Variants in SNX13 observed in about 807,000 individuals in gnomAD.
SNX13 encodes the protein sorting nexin-13.
In SNX13, 45 loss-of-function variants were observed where a neutral mutation model predicts 133.6. The observed-to-expected ratio is 0.34, with a 90% CI of 0.27 to 0.43. The LOEUF (loss-of-function observed/expected upper bound fraction) is 0.43, where lower values mean the gene tolerates loss of function less well. SNX13 is among the 20% of genes least tolerant of loss of function. SNX13 has a pLI of 1.00. For synonymous variants in SNX13, 414 were observed against 373.9 expected (o/e 1.11, Z -1.24); for missense variants, 1,032 against 1,145.1 (o/e 0.90, Z 1.43).
chr7:17,876,916 AAG>A (rs140011221), intron 5 of SNX13, among the ~76,000 whole-genome samples: 3,833 of 152,092 alleles, frequency 0.025, 171 homozygotes, highest in African/African-American at 0.088. Flanking sequence ...ATAGAAAACG[AAG>A]AGTCTATTCA....
intron 9 of SNX13, chr7:17,868,192 G>A (rs754526166): frequency 1.9e-4 from 93 of 477,916 alleles, no homozygotes; most frequent in Middle Eastern, 5.5e-4. Flanking sequence ...CACCATAACC[G>A]CAAGGAAGAT....
chr7:17,799,066 T>C lies in SNX13; in HGVS notation c.2387A>G (p.Asn796Ser). The C allele has an allele frequency of 1.2e-6, 2 of 1,611,098 alleles. No individual in the cohort carries two copies. The highest frequency in any genetic ancestry group is 2.2e-5 in the East Asian group (1 of 44,768). ...AAGCTGTTGAAGTAGGTTTTTGATA[T>C]TCCTTCGCAACCACTGATTTCTTTC... ...LKERNQWLRRNIKNLLQQLIR... is the reference protein window; with the variant it reads ...LKERNQWLRRSIKNLLQQLIR... The change falls in exon 23 of 26, where the codon AAT becomes AGT. Residue 796 changes from asparagine to serine, a missense_variant. Asn to Ser is a conservative substitution (Grantham distance 46, BLOSUM62 1). Transcript: ENST00000428135.
intron 20 of SNX13, among the ~76,000 whole-genome samples, chr7:17,807,303 C>A (rs1308526620): frequency 1.3e-5 from 2 of 152,050 alleles, no homozygotes; most frequent in African/African-American, 2.4e-5. Context: ...GGGGGAGGGG[C>A]CCCCACTAAG....
intron 1 of SNX13, among the ~76,000 whole-genome samples, chr7:17,940,012 G>A (rs1802623682): frequency 1.3e-5 from 2 of 152,238 alleles, no homozygotes; most frequent in Admixed American, 1.3e-4. Context: ...TGAGTTAGAA[G>A]GGAGTGACAG....
intron 1 of SNX13, among the ~76,000 whole-genome samples, chr7:17,927,980 C>T (rs1800948520): frequency 6.6e-6 from 1 of 152,134 alleles, no homozygotes; most frequent in Non-Finnish European, 1.5e-5. Flanking sequence ...AATGTCCCCC[C>T]ATCCATCTCT....
intron 11 of SNX13, among the ~76,000 whole-genome samples, chr7:17,846,601 C>A (rs1790556767): frequency 1.3e-5 from 2 of 151,910 alleles, no homozygotes. Flanking sequence ...ATGAAGTAGG[C>A]TGCCATATTC....
intron 1 of SNX13, among the ~76,000 whole-genome samples, chr7:17,911,391 A>C (rs978111729): frequency 4.6e-5 from 7 of 152,122 alleles, no homozygotes; most frequent in Admixed American, 4.6e-4. Context: ...ATAATCCCAG[A>C]ACTTTGGGAG....
intron 5 of SNX13, among the ~76,000 whole-genome samples, chr7:17,878,274 C>T (rs1482644953): frequency 6.6e-6 from 1 of 151,878 alleles, no homozygotes; most frequent in African/African-American, 2.4e-5. Context: ...ATCTTATTAC[C>T]GACACTTGAG....
chr7:17,935,992 A>C (rs1026061821), intron 1 of SNX13, among the ~76,000 whole-genome samples: 27 of 152,154 alleles, frequency 1.8e-4, no homozygotes, highest in African/African-American at 6.0e-4. Flanking sequence ...TGGATGTATG[A>C]TGTATGTGCA....
At chr7:17,870,998 TTTC>T (rs1441330364) in intron 8 of SNX13, among the ~76,000 whole-genome samples, 1 of 151,810 alleles carries the variant, frequency 6.6e-6, no homozygotes, top group African/African-American at 2.4e-5. Context: ...GGAATCGGGT[TTTC>T]TTTTTTTTTT....
chr7:17,882,192 T>A (rs1284875699), intron 5 of SNX13: 2 of 152,196 alleles, frequency 1.3e-5, no homozygotes, highest in Non-Finnish European at 2.9e-5. Flanking sequence ...CTTAGCTGTA[T>A]CCTCTCCAAC....
At chr7:17,806,273 T>C (rs1785286906) in intron 20 of SNX13, among the ~76,000 whole-genome samples, 1 of 152,208 alleles carries the variant, frequency 6.6e-6, no homozygotes. Context: ...TACCTGTCTG[T>C]TACTTTTTCT....
Position 17,827,815 on chromosome 7 carries a change from T to C in SNX13, c.1636-1724A>G, listed in dbSNP as rs1000752935. Among the ~76,000 whole-genome samples, 5 of 151,884 alleles carry C rather than the reference T, an allele frequency of 3.3e-5. No individual in the cohort carries two copies. The South Asian group carries it at 1.0e-3, about 31-fold the overall frequency. On this transcript the variant is annotated intron_variant, in intron 16 of 25. Coordinates refer to ENST00000428135, the MANE Select transcript of SNX13 (RefSeq NM_015132.5). ...TTATTTTTATGTGCTCAAGAAATCA[T>C]TTTGATAGAAATAGCACAACCTTTA...
rs902276081 is a variant in SNX13, at chr7:17,834,813, G to A, written c.1412C>T (p.Thr471Ile). The A allele has an allele frequency of 2.5e-6, 4 of 1,610,202 alleles. No homozygotes were observed. The highest frequency in any genetic ancestry group is 3.4e-6 in the Non-Finnish European group (4 of 1,177,594). Residue 471 changes from threonine to isoleucine, a missense_variant, in exon 14 of 26, where the codon ACT becomes ATT. Thr to Ile is a moderately conservative substitution (Grantham distance 89). Transcript: ENST00000428135. The stretch of plus-strand genomic sequence containing the variant: ...AGGGGTTGGATCTTCATGATTCAAA[G>A]TATCTGCTAATTTTGCTACTAAATA... ...DDYLVAKLAD[T>I]LNHEDPTPEI...
rs150455481 is a variant in SNX13, at chr7:17,894,063, G to A, written c.126-629C>T. ...CACACCTGTAATCCCAGCACCTTGGGAGGCCGAGGCAGGTGGCTCATCTGA... is the reference window on the plus strand; with the variant it reads ...CACACCTGTAATCCCAGCACCTTGGAAGGCCGAGGCAGGTGGCTCATCTGA... On this transcript the variant is annotated intron_variant, in intron 2 of 25. Coordinates refer to ENST00000428135, the MANE Select transcript of SNX13 (RefSeq NM_015132.5). Among the ~76,000 whole-genome samples the A allele has an allele frequency of 8.7e-3, 1,314 of 151,572 alleles. 23 individuals carry two copies. Among genetic ancestry groups the A allele is most frequent in the African/African-American group, 0.031 (1,259 of 41,266 alleles).
intron 9 of SNX13, among the ~76,000 whole-genome samples, chr7:17,868,044 A>G (rs1032770489): frequency 1.3e-5 from 2 of 152,168 alleles, no homozygotes; most frequent in Non-Finnish European, 2.9e-5. Flanking sequence ...CCCATTATAC[A>G]GTATAAAATG....
rs2723501 is a variant in SNX13 at position 17,814,909 on chromosome 7, G to A, written c.1989C>T (p.Pro663=). ...AATCATACACATAGTGAGCTAAAGC[G>A]GGGGATGCCTTCATCATTTCAGGAG... is the stretch of plus-strand genomic sequence containing the variant. The part of the protein sequence containing the change: ...LLAPEMMKAS[P]ALAHYVYDFL... The change falls in exon 20 of 26, where the codon CCC becomes CCT. Residue 663 remains proline, a synonymous_variant. Transcript: ENST00000428135. 3.3e-6 allele frequency: 5 copies of A among 1,510,502 alleles called. No homozygotes were observed. Among genetic ancestry groups the A allele is most frequent in the East Asian group, 2.6e-5 (1 of 38,088 alleles). The allele number at this position is 1,510,502 out of a possible 1,614,324, so 93.6% of individuals were successfully genotyped here.
At chr7:17,872,292 C>T (rs907959953) in intron 8 of SNX13, among the ~76,000 whole-genome samples, 1 of 152,068 alleles carries the variant, frequency 6.6e-6, no homozygotes, top group African/African-American at 2.4e-5. Context: ...AGACCAGTGA[C>T]ATGAAAGAAA....
intron 1 of SNX13, among the ~76,000 whole-genome samples, chr7:17,909,642 T>G (rs1798752407): frequency 2.0e-5 from 3 of 152,176 alleles, no homozygotes; most frequent in Non-Finnish European, 4.4e-5. Context: ...TGTTCTCATT[T>G]GCAAGTAGAA....
Sources: allele counts gnomAD v4.1 joint callset (sites outside exome capture counted in the v4.1 genomes callset), GRCh38; gene constraint gnomAD v4.1.1; transcripts MANE v1.5; gene names NCBI Gene and HGNC (gene_info 2026-07-23, HGNC 2026-07-21).